Variants in SIRPD observed in about 807,000 individuals in gnomAD.
SIRPD encodes signal regulatory protein delta, also known as signal-regulatory protein delta.
A neutral mutation model predicts 18.0 loss-of-function variants in SIRPD; 21 were observed. The observed-to-expected ratio is 1.17, with a 90% CI of 0.83 to 1.68. SIRPD has a LOEUF of 1.68. SIRPD is among the 40% of genes most tolerant of loss of function. The probability of loss-of-function intolerance (pLI) is 0.00; values close to 1 mark genes in which losing one functional copy is unlikely to be tolerated. For synonymous variants in SIRPD, 106 were observed against 92.9 expected (o/e 1.14, Z -0.81); for missense variants, 295 against 238.4 (o/e 1.24, Z -1.56).
chr20:1,552,104 G>A (rs1479861708), intron 1 of SIRPD, 66 bp from the exon 2 acceptor site: 17 of 1,322,628 alleles, frequency 1.3e-5, no homozygotes, highest in Admixed American at 4.1e-5. Context: ...TACGGGTCAC[G>A]GTTGGGCCTC....
chr20:1,553,858 G>C (rs1254540926), intron 1 of SIRPD: 5 of 152,586 alleles, frequency 3.3e-5, no homozygotes, highest in Non-Finnish European at 5.9e-5. Context: ...ATGGTGTTCA[G>C]TATGTAGTGA....
intron 2 of SIRPD, 139 bp downstream of exon 2, chr20:1,551,552 C>T: frequency 1.4e-6 from 1 of 705,624 alleles, no homozygotes; most frequent in Non-Finnish European, 2.3e-6. Flanking sequence ...TCACAGCTTG[C>T]TGAGAGAATT....
chr20:1,546,957 T>C (rs1318055259), intron 2 of SIRPD, among the ~76,000 whole-genome samples: 2 of 152,214 alleles, frequency 1.3e-5, no homozygotes, highest in Non-Finnish European at 2.9e-5. Context: ...TTTTTCCCAT[T>C]CTGTGGGTTA....
chr20:1,540,216 C>T, intron 2 of SIRPD: 1 of 439,970 alleles, frequency 2.3e-6, no homozygotes, highest in South Asian at 1.6e-5. Flanking sequence ...AAACCAGAAG[C>T]CAAAAGAGAA....
intron 2 of SIRPD, among the ~76,000 whole-genome samples, chr20:1,547,287 T>A (rs964352290): frequency 3.3e-5 from 5 of 152,240 alleles, no homozygotes. Context: ...ATTATCACAC[T>A]TGTTGAAAAT....
chr20:1,554,920 C>T (rs968275173), intron 1 of SIRPD, among the ~76,000 whole-genome samples: 1 of 152,152 alleles, frequency 6.6e-6, no homozygotes, highest in Non-Finnish European at 1.5e-5. Context: ...AAATCTTATT[C>T]CTTAGTACTT....
Position 1,534,369 on chromosome 20 carries a change from G to C in SIRPD, c.*56C>G. ...CCTAAAAAGTAGCTGTCTCCAGGGA[G>C]TCAGAAGAGTATGGGGGCTTTTGTT... On this transcript the variant is annotated 3_prime_UTR_variant, in exon 4 of 4. Coordinates refer to ENST00000381623, the MANE Select transcript of SIRPD (RefSeq NM_178460.3). 6.2e-7 allele frequency: 1 copy of C among 1,608,440 alleles called. No individual in the cohort carries two copies. The highest frequency in any genetic ancestry group is 8.5e-7 in the Non-Finnish European group (1 of 1,178,484).
intron 1 of SIRPD, among the ~76,000 whole-genome samples, chr20:1,555,640 T>G (rs2091037074): frequency 6.6e-6 from 1 of 152,144 alleles, no homozygotes; most frequent in South Asian, 2.1e-4. Context: ...AAGATAAAAT[T>G]TAAAAAACCA....
chr20:1,552,647 C>T (rs963795523), intron 1 of SIRPD, among the ~76,000 whole-genome samples: 7 of 152,158 alleles, frequency 4.6e-5, no homozygotes, highest in African/African-American at 1.7e-4. Flanking sequence ...GGGCCCTCTA[C>T]AATTTTGGAG....
In SIRPD at chr20:1,557,664, C is replaced by A; in HGVS notation, c.-11G>T. 1 of 1,610,474 alleles carries A rather than the reference C, an allele frequency of 6.2e-7. No individual in the cohort carries two copies. On this transcript the variant is annotated 5_prime_UTR_variant, in exon 1 of 4. Coordinates refer to ENST00000381623, the MANE Select transcript of SIRPD (RefSeq NM_178460.3). ...GGCAGGGATGGGCATTGTGGTGAAA[C>A]CTGGAGCTTGCTCTGCCTGAATGCC...
intron 3 of SIRPD, among the ~76,000 whole-genome samples, chr20:1,534,769 T>C (rs2090938155): frequency 6.6e-6 from 1 of 152,252 alleles, no homozygotes; most frequent in East Asian, 1.9e-4. Context: ...TGTCCATTGC[T>C]GCTGCTTCTG....
At chr20:1,541,739 C>T (rs2090972343) in intron 2 of SIRPD, among the ~76,000 whole-genome samples, 1 of 152,136 alleles carries the variant, frequency 6.6e-6, no homozygotes, top group Non-Finnish European at 1.5e-5. Flanking sequence ...ATGGTATTGT[C>T]TAGGTTTTCT....
At chr20:1,541,996 A>T (rs6514526) in intron 2 of SIRPD, among the ~76,000 whole-genome samples, 65,998 of 151,944 alleles carry the variant, frequency 0.43, 16,517 homozygotes, top group East Asian at 0.78. Context: ...CCATTGGTCT[A>T]TATATCTGTT....
intron 3 of SIRPD, among the ~76,000 whole-genome samples, chr20:1,535,356 C>T (rs1221246266): frequency 6.6e-6 from 1 of 151,998 alleles, no homozygotes; most frequent in African/African-American, 2.4e-5. Context: ...AATATTTGTC[C>T]CCTCCAAAAT....
intron 2 of SIRPD, chr20:1,540,235 T>C (rs1192952205): frequency 4.4e-6 from 2 of 451,836 alleles, no homozygotes; most frequent in Admixed American, 2.4e-5. Context: ...AAAGGGAATA[T>C]GTTCTCTCCT....
At chr20:1,555,992 G>C (rs113113410) in intron 1 of SIRPD, among the ~76,000 whole-genome samples, 2 of 152,196 alleles carry the variant, frequency 1.3e-5, no homozygotes, top group Non-Finnish European at 2.9e-5. Flanking sequence ...TTGTAGGACT[G>C]AGGCCCTCAA....
chr20:1,537,447 G>C (rs1276294184), intron 2 of SIRPD, 137 bp from the exon 3 acceptor site: 1 of 1,057,578 alleles, frequency 9.5e-7, no homozygotes. Flanking sequence ...ATAAGTTACT[G>C]ATATAAGGGT....
intron 2 of SIRPD, among the ~76,000 whole-genome samples, chr20:1,538,050 C>T (rs745485402): frequency 6.6e-6 from 1 of 152,170 alleles, no homozygotes; most frequent in Non-Finnish European, 1.5e-5. Context: ...GAATACATCT[C>T]CTCTCCTCCT....
chr20:1,537,285 G>A lies in SIRPD; in HGVS notation c.447C>T (p.Asn149=), dbSNP rs773295899. Residue 149 remains asparagine, a synonymous_variant, in exon 3 of 4, where the codon AAC becomes AAT. Transcript: ENST00000381623. Reference sequence around the variant, plus strand: ...TGGAGCCTGCTCTGCCTGCAGGTCTGTTCTTGGGAGGTCTTGGATTCTGCT... The same window carrying A: ...TGGAGCCTGCTCTGCCTGCAGGTCTATTCTTGGGAGGTCTTGGATTCTGCT... ...VTEQNPRPPK[N]RPAGRAGSRA... is the part of the protein sequence containing the mutation. 1.5e-5 allele frequency: 24 copies of A among 1,614,020 alleles called. No homozygotes were observed. Among genetic ancestry groups the A allele is most frequent in the Non-Finnish European group, 1.9e-5 (22 of 1,180,006 alleles).
Sources: gnomAD v4.1 joint callset for allele counts (sites outside exome capture counted in the v4.1 genomes callset) on GRCh38, gnomAD v4.1.1 for gene constraint, MANE v1.5 for transcripts, NCBI Gene and HGNC (gene_info 2026-07-23, HGNC 2026-07-21) for gene names.